Variants in NRXN3 observed in about 807,000 individuals in gnomAD.
NRXN3 encodes neurexin III.
Under a neutral mutation model 137.6 loss-of-function variants are expected in NRXN3, and 32 were observed. The observed-to-expected ratio is 0.23, with a 90% CI of 0.18 to 0.31. The LOEUF (loss-of-function observed/expected upper bound fraction) is 0.31. Among genes scored for constraint, NRXN3 ranks in the 10% least tolerant of loss-of-function variants. The probability of loss-of-function intolerance (pLI) is 1.00; values close to 1 mark genes in which losing one functional copy is unlikely to be tolerated. For synonymous variants in NRXN3, 798 were observed against 784.5 expected (o/e 1.02, Z -0.29); for missense variants, 1,574 against 2,062.5 (o/e 0.76, Z 4.59).
intron 19 of NRXN3, among the ~76,000 whole-genome samples, chr14:79,794,719 A>G (rs991299116): frequency 2.0e-5 from 3 of 152,208 alleles, no homozygotes; most frequent in Non-Finnish European, 4.4e-5. Context: ...TCTTGCCTAG[A>G]AGACAGTACC....
chr14:79,675,099 C>T (rs190536507), intron 17 of NRXN3, among the ~76,000 whole-genome samples: 2 of 152,030 alleles, frequency 1.3e-5, no homozygotes, highest in Non-Finnish European at 2.9e-5. Context: ...TTAAGTAACA[C>T]ACTCCAGTGT....
At chr14:79,541,022 C>G (rs145109139) in intron 16 of NRXN3, among the ~76,000 whole-genome samples, 1 of 152,292 alleles carries the variant, frequency 6.6e-6, no homozygotes, top group East Asian at 1.9e-4. Context: ...CTCCCAGCTT[C>G]TGGTGCTGGT....
chr14:78,263,912 TG>T (rs2071235113), intron 2 of NRXN3, among the ~76,000 whole-genome samples: 1 of 150,026 alleles, frequency 6.7e-6, no homozygotes, highest in Non-Finnish European at 1.5e-5. Flanking sequence ...TGTGTGTGTG[TG>T]TGTGTGTGTG....
chr14:79,846,330 C>G (rs535344799), intron 20 of NRXN3, among the ~76,000 whole-genome samples: 2 of 152,232 alleles, frequency 1.3e-5, no homozygotes, highest in East Asian at 3.9e-4. Context: ...AAAAATGTCC[C>G]ATGTAAAAAA....
intron 4 of NRXN3, among the ~76,000 whole-genome samples, chr14:78,626,680 A>G (rs2097461948): frequency 6.6e-6 from 1 of 152,184 alleles, no homozygotes; most frequent in African/African-American, 2.4e-5. Flanking sequence ...TGATGACATA[A>G]AGGAATGTGC....
intron 4 of NRXN3, among the ~76,000 whole-genome samples, chr14:78,397,818 G>A (rs949282465): frequency 6.6e-6 from 1 of 151,416 alleles, no homozygotes; most frequent in Non-Finnish European, 1.5e-5. Context: ...TGCCCAGGCT[G>A]GTCTTGAACT....
chr14:78,364,428 C>T (rs1279518479), intron 4 of NRXN3, among the ~76,000 whole-genome samples: 1 of 152,002 alleles, frequency 6.6e-6, no homozygotes, highest in Non-Finnish European at 1.5e-5. Flanking sequence ...ACAAGGCGTG[C>T]CTATTGCAGG....
At chr14:78,951,821 C>T (rs1271268628) in intron 10 of NRXN3, among the ~76,000 whole-genome samples, 1 of 152,108 alleles carries the variant, frequency 6.6e-6, no homozygotes, top group Non-Finnish European at 1.5e-5. Flanking sequence ...TCTTGCAAAA[C>T]CTTGGCAGAA....
intron 16 of NRXN3, among the ~76,000 whole-genome samples, chr14:79,521,407 T>TATAGTGTGGTATA (rs1601590939): frequency 1.3e-5 from 2 of 152,262 alleles, no homozygotes; most frequent in South Asian, 2.1e-4. Flanking sequence ...ACTCAGGGCT[T>TATAGTGTGGTATA]TTGGATAGAC....
At position 79,861,711 on chromosome 14, in the gene NRXN3, T is replaced by A. The variant is rs2099414147; in HGVS notation, c.4463T>A (p.Val1488Glu). The A allele has an allele frequency of 1.2e-6, 2 of 1,613,826 alleles. No individual in the cohort carries two copies. The highest frequency in any genetic ancestry group is 1.7e-6 in the Non-Finnish European group (2 of 1,179,984). ...AGACGGGTTCCGGGGGCCTCAGAGG[T>A]GATCCGGGAGTCGAGCAGCACAACA... The part of the protein sequence containing the change: ...GIRRVPGASE[V>E]IRESSSTTGM... Residue 1488 changes from valine (V) to glutamate (E), a missense_variant, in exon 21 of 21, where the codon GTG (valine) becomes GAG (glutamate). Around this residue, in one of 5 missense-constraint regions of NRXN3, gnomAD observed 320 missense variants for 387.1 expected, o/e 0.83. Transcript: ENST00000335750. This position sits in a 1 kb window ranked among gnomAD's most constrained non-coding sequence, Gnocchi z 5.4.
chr14:78,351,099 G>C (rs17107436), intron 4 of NRXN3, among the ~76,000 whole-genome samples: 5,687 of 152,208 alleles, frequency 0.037, 135 homozygotes, highest in South Asian at 0.085. Flanking sequence ...TAGTCTCATA[G>C]TTAAGTGTTC....
intron 8 of NRXN3, among the ~76,000 whole-genome samples, chr14:78,739,433 C>T (rs1436648443): frequency 2.6e-5 from 4 of 152,160 alleles, no homozygotes; most frequent in African/African-American, 9.7e-5. Flanking sequence ...TTTGGTTGCC[C>T]TCCACAGAGC....
At chr14:79,561,445 G>T (rs2097495945) in intron 16 of NRXN3, among the ~76,000 whole-genome samples, 1 of 152,120 alleles carries the variant, frequency 6.6e-6, no homozygotes, top group African/African-American at 2.4e-5. Flanking sequence ...GCACAAATCT[G>T]CCACTTTTGT....
chr14:78,500,534 A>G (rs1311076796), intron 4 of NRXN3, among the ~76,000 whole-genome samples: 2 of 152,116 alleles, frequency 1.3e-5, no homozygotes, highest in African/African-American at 4.8e-5. Flanking sequence ...CTCCATTTAC[A>G]TGTTTAGTAA....
At chr14:79,279,504 C>T in intron 15 of NRXN3, 9 of 986,360 alleles carry the variant, frequency 9.1e-6, no homozygotes, top group Non-Finnish European at 1.1e-5. Context: ...ACCCACCTCC[C>T]TCCACCCCGT....
chr14:79,623,178 C>T (rs1360597599), intron 16 of NRXN3, among the ~76,000 whole-genome samples: 1 of 152,174 alleles, frequency 6.6e-6, no homozygotes, highest in Non-Finnish European at 1.5e-5. Flanking sequence ...ATGCCATCAA[C>T]TCATCATCCC....
intron 15 of NRXN3, among the ~76,000 whole-genome samples, chr14:79,358,072 T>C (rs1296165406): frequency 6.6e-6 from 1 of 152,184 alleles, no homozygotes; most frequent in Non-Finnish European, 1.5e-5. Context: ...TAATCACTCT[T>C]GTGGCATCTA....
At chr14:79,503,776 G>A (rs139439682) in intron 16 of NRXN3, among the ~76,000 whole-genome samples, 46 of 152,268 alleles carry the variant, frequency 3.0e-4, no homozygotes, top group African/African-American at 1.0e-3. Flanking sequence ...GGCACATTCA[G>A]TCTAGCTGAA....
intron 8 of NRXN3, among the ~76,000 whole-genome samples, chr14:78,722,449 G>GAAACACA (rs751124462): frequency 1.3e-5 from 2 of 152,174 alleles, no homozygotes; most frequent in Non-Finnish European, 2.9e-5. Context: ...CAAGTGCTTT[G>GAAACACA]AAACACAACA....
Sources: gnomAD v4.1 joint callset for allele counts (sites outside exome capture counted in the v4.1 genomes callset) on GRCh38, gnomAD v4.1.1 for gene constraint, gnomAD v4.1.1 regional missense constraint, Gnocchi (gnomAD v3.1) non-coding constraint, MANE v1.5 for transcripts, NCBI Gene and HGNC (gene_info 2026-07-23, HGNC 2026-07-21) for gene names.